The following HIPK3 variants were observed in gnomAD, a reference collection of about 807,000 sequenced individuals.
HIPK3 encodes the protein homeodomain interacting protein kinase 3.
HIPK3 carries 47 observed loss-of-function variants against 124.2 expected under a neutral mutation model. That is an observed-to-expected ratio of 0.38 (90% CI 0.30 to 0.48). The LOEUF is 0.48. Ranked by LOEUF, HIPK3 falls within the 20% of genes least tolerant of loss-of-function variation. The pLI, the probability that HIPK3 is intolerant of heterozygous loss-of-function variation, is 0.98. For synonymous variants in HIPK3, 482 were observed against 515.2 expected (o/e 0.94, Z 0.87); for missense variants, 1,286 against 1,454.3 (o/e 0.88, Z 1.88).
intron 2 of HIPK3, among the ~76,000 whole-genome samples, chr11:33,318,286 C>T (rs1212653183): frequency 1.3e-5 from 2 of 151,818 alleles, no homozygotes; most frequent in Admixed American, 6.6e-5. Flanking sequence ...AGGCTGGTTT[C>T]GGACTCCTGA....
intron 2 of HIPK3, among the ~76,000 whole-genome samples, chr11:33,311,332 T>A (rs981866819): frequency 1.3e-5 from 2 of 152,158 alleles, no homozygotes; most frequent in African/African-American, 4.8e-5. Context: ...ACCACAGGCA[T>A]GTGCCACTAC....
intron 1 of HIPK3, among the ~76,000 whole-genome samples, chr11:33,274,596 C>G (rs1851223070): frequency 6.6e-6 from 1 of 152,170 alleles, no homozygotes; most frequent in Non-Finnish European, 1.5e-5. Context: ...GAGGGAACTT[C>G]AGGTAAACTT....
intron 2 of HIPK3, among the ~76,000 whole-genome samples, chr11:33,324,912 A>C (rs576258411): frequency 2.0e-5 from 3 of 152,282 alleles, no homozygotes; most frequent in African/African-American, 7.2e-5. Flanking sequence ...TTCCCCAGCA[A>C]ATTTCTGGTG....
chr11:33,258,633 A>G (rs1590329848), intron 1 of HIPK3: 1 of 985,316 alleles, frequency 1.0e-6, no homozygotes, highest in East Asian at 1.1e-4. Flanking sequence ...ACTGGCGGAA[A>G]GACTTTGGAT....
At chr11:33,337,288 T>C in intron 4 of HIPK3, 94 bp downstream of exon 4, 1 of 602,282 alleles carries the variant, frequency 1.7e-6, no homozygotes, top group Non-Finnish European at 2.5e-6. Flanking sequence ...TACATTTTAC[T>C]ATATTTCTTC....
chr11:33,306,348 T>C (rs1243284080), intron 2 of HIPK3, among the ~76,000 whole-genome samples: 2 of 152,188 alleles, frequency 1.3e-5, no homozygotes, highest in East Asian at 3.8e-4. Context: ...TCAAACAAAA[T>C]ACTTAGAAAA....
At chr11:33,260,300 A>C (rs1228700787) in intron 1 of HIPK3, among the ~76,000 whole-genome samples, 1 of 152,224 alleles carries the variant, frequency 6.6e-6, no homozygotes, top group Non-Finnish European at 1.5e-5. Flanking sequence ...CACCCCCTGC[A>C]ACTTAAAAAA....
At chr11:33,339,149 C>A (rs535531701) in intron 5 of HIPK3, among the ~76,000 whole-genome samples, 3 of 152,120 alleles carry the variant, frequency 2.0e-5, no homozygotes, top group East Asian at 1.9e-4. Flanking sequence ...TTAAAAACTT[C>A]TTTTATGCTT....
rs181411076 is a variant in HIPK3 at position 33,324,051 on chromosome 11, G to A, written c.1098-4459G>A. Among the ~76,000 whole-genome samples, 7 of 152,338 alleles carry A rather than the reference G, an allele frequency of 4.6e-5. No individual in the cohort carries two copies. The East Asian group carries it at 1.2e-3, about 25-fold the overall frequency. The stretch of plus-strand genomic sequence containing the variant: ...GTTAAAGTAGAGGAAAAAAGTGGAA[G>A]AACTTTCTGTAGGAGTAGGACAGAA... On this transcript the variant is annotated intron_variant, in intron 2 of 16. Coordinates refer to ENST00000303296, the MANE Select transcript of HIPK3 (RefSeq NM_005734.5).
At chr11:33,335,352 T>TTA (rs1261266064) in intron 3 of HIPK3, among the ~76,000 whole-genome samples, 1 of 151,980 alleles carries the variant, frequency 6.6e-6, no homozygotes, top group African/African-American at 2.4e-5. Context: ...AGGAACAGAG[T>TTA]TAAAGACTGT....
intron 2 of HIPK3, among the ~76,000 whole-genome samples, chr11:33,312,271 C>T (rs1270293674): frequency 2.0e-5 from 3 of 152,080 alleles, no homozygotes; most frequent in Non-Finnish European, 4.4e-5. Context: ...CTTGATGGCT[C>T]CTGGCAGTTC....
In HIPK3 at chr11:33,331,803, A is replaced by G. The variant is rs771765499; in HGVS notation, c.1221+3170A>G. On this transcript the variant is annotated intron_variant, in intron 3 of 16. Transcript: ENST00000303296. The stretch of plus-strand genomic sequence containing the variant: ...CTAGGAACTGCTGTTAACACTTTAT[A>G]TTAACTCATTTAATGCTCGTAACAA... 1.8e-3 allele frequency among the ~76,000 whole-genome samples: 277 copies of G among 152,310 alleles called. 1 individual carries two copies. Among genetic ancestry groups the G allele is most frequent in the Non-Finnish European group, 1.1e-3 (74 of 68,020 alleles).
intron 1 of HIPK3, among the ~76,000 whole-genome samples, chr11:33,268,438 A>G (rs1241647703): frequency 1.3e-5 from 2 of 151,780 alleles, no homozygotes; most frequent in Admixed American, 6.6e-5. Context: ...TATAAAAAAT[A>G]CAATTACCTG....
rs986221572 is a variant in HIPK3, at chr11:33,258,547, G to A, written c.-3+658G>A. The A allele has an allele frequency of 2.6e-5, 26 of 985,390 alleles. No homozygotes were observed. In the African/African-American group the frequency reaches 4.4e-4, roughly 17 times the overall value. 61.0% of individuals were successfully genotyped at this position (985,390 alleles called of 1,614,324 possible). A position where few individuals can be genotyped will look rare whatever the true frequency, so the allele number is the denominator to read the frequency against. ...AGCGGCGGCGGGAGGAAGGCGTGGCGGCCGCGCGGCGGGGCTGTTGCCGGC... is the reference window on the plus strand; with the variant it reads ...AGCGGCGGCGGGAGGAAGGCGTGGCAGCCGCGCGGCGGGGCTGTTGCCGGC... On this transcript the variant is annotated intron_variant, in intron 1 of 16. Transcript: ENST00000303296.
intron 2 of HIPK3, among the ~76,000 whole-genome samples, chr11:33,291,818 A>T (rs565861736): frequency 4.0e-4 from 61 of 152,350 alleles, no homozygotes; most frequent in African/African-American, 1.5e-3. Context: ...GGCTGTAAAA[A>T]TAACCTGTGT....
intron 8 of HIPK3, among the ~76,000 whole-genome samples, chr11:33,347,028 T>C (rs1853514508): frequency 6.6e-6 from 1 of 151,878 alleles, no homozygotes; most frequent in African/African-American, 2.4e-5. Context: ...CTACCAAAAA[T>C]TAAAGAGATT....
At chr11:33,277,690 G>A (rs1342731847) in intron 1 of HIPK3, among the ~76,000 whole-genome samples, 1 of 152,176 alleles carries the variant, frequency 6.6e-6, no homozygotes, top group South Asian at 2.1e-4. Flanking sequence ...TCTAGATGGA[G>A]TATACACCTG....
At chr11:33,289,384 A>G (rs533549574) in intron 2 of HIPK3, among the ~76,000 whole-genome samples, 1 of 152,128 alleles carries the variant, frequency 6.6e-6, no homozygotes, top group Non-Finnish European at 1.5e-5. Context: ...GTTAGAGGCT[A>G]CAGTGAGCTA....
At chr11:33,280,864 T>G (rs1031414234) in intron 1 of HIPK3, among the ~76,000 whole-genome samples, 1 of 152,140 alleles carries the variant, frequency 6.6e-6, no homozygotes, top group African/African-American at 2.4e-5. Context: ...TTTTTCAGAC[T>G]TGGGGGCCCT....
Sources: gnomAD v4.1 joint callset for allele counts (sites outside exome capture counted in the v4.1 genomes callset) on GRCh38, gnomAD v4.1.1 for gene constraint, MANE v1.5 for transcripts, NCBI Gene and HGNC (gene_info 2026-07-23, HGNC 2026-07-21) for gene names.